ASCC2: variants seen among roughly 807,000 people sequenced by gnomAD.
ASCC2 encodes the protein ASC-1 complex subunit P100.
ASCC2 carries 42 observed loss-of-function variants against 93.5 expected under a neutral mutation model. That is an observed-to-expected ratio of 0.45 (90% CI 0.35 to 0.58). The LOEUF (loss-of-function observed/expected upper bound fraction) is 0.58, where lower values mean the gene tolerates loss of function less well. Among genes scored for constraint, ASCC2 ranks in the 20% least tolerant of loss-of-function variants. The pLI, the probability that ASCC2 is intolerant of heterozygous loss-of-function variation, is 0.00. For missense variants in ASCC2, 859 were observed against 977.6 expected (o/e 0.88, Z 1.62); for synonymous variants, 364 against 384.2 (o/e 0.95, Z 0.62).
At chr22:29,808,700 G>A (rs2059954809) in intron 8 of ASCC2, among the ~76,000 whole-genome samples, 1 of 151,576 alleles carries the variant, frequency 6.6e-6, no homozygotes, top group South Asian at 2.1e-4. Context: ...GTCCACACCT[G>A]TAGCCCCAGC....
intron 15 of ASCC2, among the ~76,000 whole-genome samples, chr22:29,798,399 T>C (rs1415763017): frequency 6.6e-6 from 1 of 152,076 alleles, no homozygotes; most frequent in South Asian, 2.1e-4. Flanking sequence ...GTCTGGACTA[T>C]CTCCTGGCAC....
intron 5 of ASCC2, 65 bp downstream of exon 5, chr22:29,822,270 G>A (rs1602144670): frequency 6.3e-7 from 1 of 1,599,806 alleles, no homozygotes; most frequent in East Asian, 2.2e-5. Context: ...GCTGGCCTTT[G>A]CAACCTTTAG....
At chr22:29,804,203 C>T (rs1181097282) in intron 13 of ASCC2, among the ~76,000 whole-genome samples, 6 of 152,156 alleles carry the variant, frequency 3.9e-5, no homozygotes, top group Admixed American at 6.5e-5. Context: ...GCACCAGATC[C>T]GAGGTTTCTA....
rs183822644 is a variant in ASCC2 at position 29,795,701 on chromosome 22, A to T, written c.1689-2025T>A. Among the ~76,000 whole-genome samples the T allele has an allele frequency of 2.6e-5, 4 of 152,316 alleles. No homozygotes were observed. The East Asian group carries it at 7.7e-4, about 29-fold the overall frequency. On this transcript the variant is annotated intron_variant, in intron 15 of 19. Transcript: ENST00000307790. ...GGGTGCATTGGGTGGGAGAAGGAAC[A>T]TGTTTGGGTCACAAGTGAGCTGCAG...
In ASCC2 at chr22:29,832,289, G is replaced by A. The variant is rs1382957621; in HGVS notation, c.37C>T (p.His13Tyr). The A allele has an allele frequency of 6.2e-7, 1 of 1,613,952 alleles. No homozygotes were observed. Among genetic ancestry groups the A allele is most frequent in the Non-Finnish European group, 8.5e-7 (1 of 1,179,998 alleles). The change falls in exon 2 of 20, where the codon CAC (histidine) becomes TAC (tyrosine). Residue 13 changes from histidine (H) to tyrosine (Y), a missense_variant. Physicochemically the swap from His to Tyr is moderately conservative, Grantham distance 83. Coordinates refer to ENST00000307790, the MANE Select transcript of ASCC2 (RefSeq NM_032204.5). ...AGCTTTCCTGTCTTCGGGTCCTTGT[G>A]GGTGATCTGGAGTTGGTCCAGGGGC... ...ALPLDQLQIT[H>Y]KDPKTGKLRT...
chr22:29,794,131 C>A (rs947481589), intron 15 of ASCC2, among the ~76,000 whole-genome samples: 13 of 151,812 alleles, frequency 8.6e-5, no homozygotes, highest in Admixed American at 2.6e-4. Context: ...GTGATCCCCC[C>A]ACCTCAGCCT....
At chr22:29,806,463 A>G (rs557631574) in intron 11 of ASCC2, 22 bp downstream of exon 11, 37 of 1,612,824 alleles carry the variant, frequency 2.3e-5, no homozygotes, top group Middle Eastern at 3.3e-4. Flanking sequence ...TCATGGGCCC[A>G]GGCCAGCTCA....
intron 4 of ASCC2, among the ~76,000 whole-genome samples, chr22:29,823,198 C>A (rs2061816065): frequency 6.6e-6 from 1 of 151,884 alleles, no homozygotes; most frequent in Non-Finnish European, 1.5e-5. Flanking sequence ...GCCACCACAC[C>A]CAGCTAATTT....
At chr22:29,815,657 A>T (rs2147999586) in intron 6 of ASCC2, among the ~76,000 whole-genome samples, 1 of 152,304 alleles carries the variant, frequency 6.6e-6, no homozygotes, top group Admixed American at 6.5e-5. Flanking sequence ...TTATTTCATG[A>T]AATAATTTTG....
intron 2 of ASCC2, among the ~76,000 whole-genome samples, chr22:29,827,301 A>G (rs752269633): frequency 3.3e-5 from 5 of 152,014 alleles, no homozygotes; most frequent in Non-Finnish European, 7.4e-5. Flanking sequence ...CTCTGACTAC[A>G]TAACGGGTGC....
At chr22:29,834,393 C>T (rs1163624725) in intron 1 of ASCC2, 5 of 427,492 alleles carry the variant, frequency 1.2e-5, no homozygotes, top group Non-Finnish European at 1.9e-5. Flanking sequence ...AGCCTGGTAC[C>T]CAAGGAACCT....
intron 17 of ASCC2, among the ~76,000 whole-genome samples, chr22:29,792,818 G>T (rs1042913083): frequency 6.6e-6 from 1 of 152,132 alleles, no homozygotes; most frequent in African/African-American, 2.4e-5. Flanking sequence ...GGGAATCGCT[G>T]TAACATTCCA....
At chr22:29,832,179 AC>A in intron 2 of ASCC2, 65 bp downstream of exon 2, 1 of 1,410,882 alleles carries the variant, frequency 7.1e-7, no homozygotes, top group Non-Finnish European at 9.9e-7. Context: ...GACGGAATTT[AC>A]TTTTTGCTCC....
chr22:29,833,790 T>TG (rs2063437590), intron 1 of ASCC2, among the ~76,000 whole-genome samples: 2 of 151,602 alleles, frequency 1.3e-5, no homozygotes, highest in South Asian at 4.2e-4. Flanking sequence ...CAGAGGAGCA[T>TG]GGGGGACATG....
chr22:29,817,983 T>G (rs249396), intron 5 of ASCC2, among the ~76,000 whole-genome samples: 84,707 of 151,444 alleles, frequency 0.56, 24,370 homozygotes, highest in African/African-American at 0.68. Context: ...CTAACTGAAA[T>G]GGCTTGCTTT....
intron 4 of ASCC2, among the ~76,000 whole-genome samples, chr22:29,823,417 A>C (rs1300012200): frequency 1.3e-5 from 2 of 152,272 alleles, no homozygotes; most frequent in African/African-American, 2.4e-5. Flanking sequence ...TTTGCAGATA[A>C]ATTAGTATGA....
chr22:29,803,377 G>A (rs973089994), intron 13 of ASCC2, among the ~76,000 whole-genome samples: 1 of 152,154 alleles, frequency 6.6e-6, no homozygotes, highest in Non-Finnish European at 1.5e-5. Flanking sequence ...ACTTTGGGCA[G>A]GATGCTTCCC....
chr22:29,799,608 G>A (rs2058838820), intron 15 of ASCC2, among the ~76,000 whole-genome samples: 1 of 152,212 alleles, frequency 6.6e-6, no homozygotes, highest in Admixed American at 6.5e-5. Context: ...CCATTCACGT[G>A]ATGGTGAAAG....
chr22:29,825,532 G>A lies in ASCC2; in HGVS notation c.240+90C>T, dbSNP rs779802793. 2.8e-4 allele frequency: 431 copies of A among 1,566,460 alleles called. No individual in the cohort carries two copies. The highest frequency in any genetic ancestry group is 3.2e-4 in the Non-Finnish European group (359 of 1,139,678). ...TCCAGTGAAAGAAGTAGACAAAAAA[G>A]CACCTCCTAGGGGAAGAAAAACAAC... On this transcript the variant is annotated intron_variant, in intron 3 of 19. Coordinates refer to ENST00000307790, the MANE Select transcript of ASCC2 (RefSeq NM_032204.5). This position sits in a 1 kb window ranked among gnomAD's most constrained non-coding sequence, Gnocchi z 4.9.
Sources: gnomAD v4.1 joint callset for allele counts (sites outside exome capture counted in the v4.1 genomes callset) on GRCh38, gnomAD v4.1.1 for gene constraint, Gnocchi (gnomAD v3.1) non-coding constraint, MANE v1.5 for transcripts, NCBI Gene and HGNC (gene_info 2026-07-23, HGNC 2026-07-21) for gene names.